SPOCK1: variants seen among roughly 807,000 people sequenced by gnomAD.
SPOCK1 encodes SPARC (osteonectin), cwcv and kazal like domains proteoglycan 1, also known as testican-1.
SPOCK1 carries 23 observed loss-of-function variants against 55.3 expected under a neutral mutation model. That is an observed-to-expected ratio of 0.42 (90% confidence interval 0.30 to 0.59). SPOCK1 has a LOEUF of 0.59. SPOCK1 is among the 20% of genes least tolerant of loss of function. SPOCK1 has a pLI of 0.22. For missense variants in SPOCK1, 499 were observed against 552.5 expected (o/e 0.90, Z 0.97); for synonymous variants, 226 against 221.0 (o/e 1.02, Z -0.20).
At chr5:137,444,128 C>A (rs777241181) in intron 2 of SPOCK1, among the ~76,000 whole-genome samples, 6 of 152,090 alleles carry the variant, frequency 3.9e-5, no homozygotes, top group Non-Finnish European at 5.9e-5. Flanking sequence ...GGCAACCACA[C>A]CTCCCTTTCT....
chr5:137,272,759 C>G (rs1185230659), intron 2 of SPOCK1, among the ~76,000 whole-genome samples: 1 of 128,068 alleles, frequency 7.8e-6, no homozygotes, highest in Non-Finnish European at 1.6e-5. Flanking sequence ...AACACACACA[C>G]GGGCCTAGGC....
At chr5:137,179,700 A>G (rs1754929645) in intron 3 of SPOCK1, among the ~76,000 whole-genome samples, 1 of 152,194 alleles carries the variant, frequency 6.6e-6, no homozygotes, top group South Asian at 2.1e-4. Flanking sequence ...AGCCAAGAGT[A>G]TGAGGTATAA....
At chr5:137,479,371 G>A (rs569456445) in intron 2 of SPOCK1, among the ~76,000 whole-genome samples, 74 of 152,300 alleles carry the variant, frequency 4.9e-4, no homozygotes, top group African/African-American at 8.2e-4. Flanking sequence ...ATATCCATCC[G>A]TCCATGAGGA....
intron 2 of SPOCK1, among the ~76,000 whole-genome samples, chr5:137,455,646 C>T (rs1228405629): frequency 6.6e-6 from 1 of 152,128 alleles, no homozygotes; most frequent in Non-Finnish European, 1.5e-5. Context: ...CTAATACCTG[C>T]AGCACTGGGG....
At chr5:137,417,803 T>C (rs1207034558) in intron 2 of SPOCK1, among the ~76,000 whole-genome samples, 1 of 152,158 alleles carries the variant, frequency 6.6e-6, no homozygotes, top group African/African-American at 2.4e-5. Flanking sequence ...AGTTTTTATG[T>C]TTTATTTTCT....
intron 5 of SPOCK1, among the ~76,000 whole-genome samples, chr5:137,081,864 T>C (rs184068341): frequency 6.6e-6 from 1 of 152,342 alleles, no homozygotes; most frequent in African/African-American, 2.4e-5. Context: ...AGTAACAAAA[T>C]GCCCTTGCAA....
At chr5:137,358,244 A>G (rs1263923765) in intron 2 of SPOCK1, among the ~76,000 whole-genome samples, 1 of 151,814 alleles carries the variant, frequency 6.6e-6, no homozygotes, top group Non-Finnish European at 1.5e-5. Flanking sequence ...TCACTCCACC[A>G]TCCTTCATAC....
intron 6 of SPOCK1, among the ~76,000 whole-genome samples, chr5:137,033,146 T>C (rs1751815608): frequency 6.6e-6 from 1 of 151,992 alleles, no homozygotes; most frequent in Non-Finnish European, 1.5e-5. Flanking sequence ...TCAGGGGAGA[T>C]GAACTCCCTC....
At position 137,310,514 on chromosome 5, in the gene SPOCK1, T is replaced by A. The variant is rs567765506; in HGVS notation, c.187-43459A>T. 3.1e-4 allele frequency among the ~76,000 whole-genome samples: 47 copies of A among 152,346 alleles called. 1 individual carries two copies. The highest frequency in any genetic ancestry group is 6.2e-4 in the South Asian group (3 of 4,830). On this transcript the variant is annotated intron_variant, in intron 2 of 10. Transcript: ENST00000394945. ...AGTAGGGTGGATCAACATGCCAGAA[T>A]CATTAATCATCAAAACAGCAACATA...
rs114747225 is a variant in SPOCK1 at position 137,199,837 on chromosome 5, A to G, written c.233-59143T>C. Among the ~76,000 whole-genome samples, 668 of 152,206 alleles carry G rather than the reference A, an allele frequency of 4.4e-3. 7 individuals are homozygous for G. The highest frequency in any genetic ancestry group is 0.015 in the African/African-American group (619 of 41,516). Reference sequence around the variant, plus strand: ...TCCCTCCCCTGACATTCAGACCACTAGACTCAACCATCAACACAGAAGCCT... The same window carrying G: ...TCCCTCCCCTGACATTCAGACCACTGGACTCAACCATCAACACAGAAGCCT... On this transcript the variant is annotated intron_variant, in intron 3 of 10. Coordinates refer to ENST00000394945, the MANE Select transcript of SPOCK1 (RefSeq NM_004598.4).
intron 2 of SPOCK1, among the ~76,000 whole-genome samples, chr5:137,416,345 A>T (rs556135211): frequency 7.5e-4 from 94 of 125,344 alleles, no homozygotes; most frequent in Non-Finnish European, 1.1e-3. Flanking sequence ...ACCAGATGGA[A>T]ACCTGGATCT....
intron 3 of SPOCK1, among the ~76,000 whole-genome samples, chr5:137,232,531 C>T (rs757009586): frequency 3.9e-5 from 6 of 152,190 alleles, no homozygotes; most frequent in African/African-American, 9.7e-5. Flanking sequence ...TTCTGTTTCA[C>T]GGATCCATGT....
At position 136,988,546 on chromosome 5, in the gene SPOCK1, C is replaced by T. The variant is rs951358535; in HGVS notation, c.804G>A (p.Glu268=). Residue 268 remains glutamate (E), a synonymous_variant, in exon 8 of 11, where the codon GAG becomes GAA. Coordinates refer to ENST00000394945, the MANE Select transcript of SPOCK1 (RefSeq NM_004598.4). ...MNYDLLLDPS[E]INAIYLDKYE... is the part of the protein sequence containing the mutation. ...ACTTATCCAGGTAGATGGCATTGAT[C>T]TCTGAAGGGTCAAGCAGGAGGTCAT... The T allele has an allele frequency of 1.9e-6, 3 of 1,614,044 alleles. No homozygotes were observed. The Admixed American group carries it at 5.0e-5, about 27-fold the overall frequency.
chr5:137,261,896 G>A, intron 3 of SPOCK1, among the ~76,000 whole-genome samples: 1 of 152,140 alleles, frequency 6.6e-6, no homozygotes, highest in South Asian at 2.1e-4. Flanking sequence ...GTGCACCCTG[G>A]CTCCAGCAGA....
At chr5:137,125,486 A>C (rs1753768018) in intron 4 of SPOCK1, among the ~76,000 whole-genome samples, 1 of 152,140 alleles carries the variant, frequency 6.6e-6, no homozygotes, top group Non-Finnish European at 1.5e-5. Flanking sequence ...GGCAGGGGTA[A>C]TTAGGTCATT....
chr5:137,122,771 T>C (rs903491852), intron 4 of SPOCK1, among the ~76,000 whole-genome samples: 5 of 152,250 alleles, frequency 3.3e-5, no homozygotes, highest in Non-Finnish European at 7.3e-5. Flanking sequence ...ATACAAAGGT[T>C]GGCACAAGCA....
chr5:137,002,819 G>T (rs1580702288), intron 6 of SPOCK1, among the ~76,000 whole-genome samples: 1 of 152,310 alleles, frequency 6.6e-6, no homozygotes, highest in South Asian at 2.1e-4. Flanking sequence ...TGGGAAAGGG[G>T]CTAGGTGATA....
At chr5:137,255,523 A>G (rs1756615910) in intron 3 of SPOCK1, among the ~76,000 whole-genome samples, 1 of 152,244 alleles carries the variant, frequency 6.6e-6, no homozygotes. Context: ...ACATATGCCT[A>G]CAAGTTGTTT....
intron 4 of SPOCK1, among the ~76,000 whole-genome samples, chr5:137,137,008 C>T (rs751239333): frequency 7.2e-5 from 11 of 152,216 alleles, no homozygotes; most frequent in Non-Finnish European, 1.2e-4. Flanking sequence ...GCTTGCCTGC[C>T]GGCCCTGACA....
Sources: gnomAD v4.1 joint callset for allele counts (sites outside exome capture counted in the v4.1 genomes callset) on GRCh38, gnomAD v4.1.1 for gene constraint, MANE v1.5 for transcripts, NCBI Gene and HGNC (gene_info 2026-07-23, HGNC 2026-07-21) for gene names.